Variants in PALM2AKAP2 observed in about 807,000 individuals in gnomAD.
PALM2AKAP2 encodes the protein PALM2-AKAP2 fusion protein.
A neutral mutation model predicts 71.5 loss-of-function variants in PALM2AKAP2; 37 were observed. That is an observed-to-expected ratio of 0.52 (90% CI 0.40 to 0.68). PALM2AKAP2 has a LOEUF of 0.68. Among genes scored for constraint, PALM2AKAP2 ranks in the 30% least tolerant of loss-of-function variants. The pLI is 0.00. For missense variants in PALM2AKAP2, 1,224 were observed against 1,191.8 expected (o/e 1.03, Z -0.40); for synonymous variants, 468 against 478.8 (o/e 0.98, Z 0.29).
At chr9:109,860,302 TAGAA>T (rs952773669) in intron 1 of PALM2AKAP2, among the ~76,000 whole-genome samples, 17 of 152,336 alleles carry the variant, frequency 1.1e-4, no homozygotes, top group African/African-American at 3.8e-4. Context: ...GCAGTAGTGT[TAGAA>T]AGGTAATTAT....
At chr9:109,682,817 C>A (rs748157781) in intron 1 of PALM2AKAP2, among the ~76,000 whole-genome samples, 1 of 152,176 alleles carries the variant, frequency 6.6e-6, no homozygotes, top group Non-Finnish European at 1.5e-5. Flanking sequence ...GAATATCCTT[C>A]TTGCAGTGGG....
At chr9:110,082,703 T>G (rs528241849) in intron 1 of PALM2AKAP2, among the ~76,000 whole-genome samples, 1 of 152,358 alleles carries the variant, frequency 6.6e-6, no homozygotes, top group South Asian at 2.1e-4. Context: ...GTAAAATGTA[T>G]GCAACATAAA....
intron 1 of PALM2AKAP2, among the ~76,000 whole-genome samples, chr9:109,808,724 C>T (rs950368438): frequency 4.6e-5 from 7 of 152,224 alleles, no homozygotes; most frequent in Non-Finnish European, 8.8e-5. Flanking sequence ...AATATCTCCA[C>T]GGCATGTCAG....
chr9:109,682,033 T>C (rs1185979335), intron 1 of PALM2AKAP2, among the ~76,000 whole-genome samples: 1 of 152,192 alleles, frequency 6.6e-6, no homozygotes, highest in Non-Finnish European at 1.5e-5. Flanking sequence ...ATCATAGTAG[T>C]GGTTCCTGGT....
chr9:109,761,447 T>C (rs955001797), intron 1 of PALM2AKAP2, among the ~76,000 whole-genome samples: 1 of 152,202 alleles, frequency 6.6e-6, no homozygotes, highest in African/African-American at 2.4e-5. Flanking sequence ...CATGGTGGTT[T>C]GCTGCACCAA....
At chr9:109,960,599 A>G (rs1831836812) in intron 6 of PALM2AKAP2, among the ~76,000 whole-genome samples, 1 of 152,228 alleles carries the variant, frequency 6.6e-6, no homozygotes, top group African/African-American at 2.4e-5. Context: ...ACAACATAGC[A>G]GGACCCTATT....
At chr9:109,941,762 G>A (rs1831376054) in intron 6 of PALM2AKAP2, among the ~76,000 whole-genome samples, 1 of 152,160 alleles carries the variant, frequency 6.6e-6, no homozygotes, top group African/African-American at 2.4e-5. Context: ...CCCCAGACTG[G>A]CAGCAAGAGT....
intron 7 of PALM2AKAP2, among the ~76,000 whole-genome samples, chr9:110,035,684 CAT>C (rs1174205233): frequency 4.1e-5 from 4 of 98,442 alleles, no homozygotes; most frequent in East Asian, 6.3e-4. Flanking sequence ...TTATATATAA[CAT>C]ATATAGGATA....
chr9:109,891,985 A>G (rs937278784), intron 3 of PALM2AKAP2, among the ~76,000 whole-genome samples: 3 of 152,190 alleles, frequency 2.0e-5, no homozygotes, highest in Non-Finnish European at 4.4e-5. Context: ...TTACATTTAC[A>G]TTCTGTTCAT....
intron 7 of PALM2AKAP2, among the ~76,000 whole-genome samples, chr9:110,016,739 CAT>C (rs1832986398): frequency 6.6e-6 from 1 of 152,148 alleles, no homozygotes; most frequent in South Asian, 2.1e-4. Flanking sequence ...ACTCTGCTAA[CAT>C]ATTAGTTAAC....
intron 1 of PALM2AKAP2, among the ~76,000 whole-genome samples, chr9:109,732,775 T>C (rs1273394603): frequency 6.6e-6 from 1 of 151,934 alleles, no homozygotes; most frequent in Non-Finnish European, 1.5e-5. Context: ...ATGGAAAGGG[T>C]AGCAGGGAGA....
intron 7 of PALM2AKAP2, among the ~76,000 whole-genome samples, chr9:110,040,823 T>G (rs1032081106): frequency 6.6e-6 from 1 of 152,240 alleles, no homozygotes. Flanking sequence ...CTTCTGGGAC[T>G]CCACACTATT....
chr9:109,708,812 T>A (rs1214398912), intron 1 of PALM2AKAP2, among the ~76,000 whole-genome samples: 1 of 152,224 alleles, frequency 6.6e-6, no homozygotes, highest in Non-Finnish European at 1.5e-5. Context: ...CTGGAAATCC[T>A]CCAGGGATAG....
chr9:109,806,798 G>A (rs575140744), intron 1 of PALM2AKAP2, among the ~76,000 whole-genome samples: 25 of 152,342 alleles, frequency 1.6e-4, no homozygotes, highest in African/African-American at 6.0e-4. Context: ...GACCAAAGAG[G>A]TGGTGGCTGG....
chr9:109,900,795 A>G (rs1830310619), intron 3 of PALM2AKAP2, among the ~76,000 whole-genome samples: 1 of 152,202 alleles, frequency 6.6e-6, no homozygotes, highest in South Asian at 2.1e-4. Context: ...TTGACATTAG[A>G]AGATCTCCTT....
rs937741151 is a variant in PALM2AKAP2 at position 110,153,885 on chromosome 9, G to C, written c.2570-2434G>C. 7.9e-4 allele frequency among the ~76,000 whole-genome samples: 120 copies of C among 152,338 alleles called. 1 individual carries two copies. Among genetic ancestry groups the C allele is most frequent in the African/African-American group, 2.8e-3 (115 of 41,570 alleles). On this transcript the variant is annotated intron_variant, in intron 2 of 3. Coordinates refer to ENST00000374525, the Ensembl canonical transcript of PALM2AKAP2. ...CAGAAATATAAACAGGAGTTCCACTGTGCTGTGTGTGAAAGGGAGAAGCTA... is the reference window on the plus strand; with the variant it reads ...CAGAAATATAAACAGGAGTTCCACTCTGCTGTGTGTGAAAGGGAGAAGCTA...
At chr9:109,800,477 A>AC (rs1458459231) in intron 1 of PALM2AKAP2, among the ~76,000 whole-genome samples, 32 of 152,180 alleles carry the variant, frequency 2.1e-4, no homozygotes, top group African/African-American at 7.5e-4. Context: ...CTGGCTCCAA[A>AC]CCCATGCAAA....
intron 1 of PALM2AKAP2, among the ~76,000 whole-genome samples, chr9:109,716,284 G>A (rs1013365811): frequency 1.3e-5 from 2 of 151,942 alleles, no homozygotes; most frequent in Non-Finnish European, 2.9e-5. Context: ...CATGATGAAG[G>A]CGTAACTGTG....
At chr9:110,114,162 C>T (rs1213045530) in intron 1 of PALM2AKAP2, among the ~76,000 whole-genome samples, 2 of 152,204 alleles carry the variant, frequency 1.3e-5, no homozygotes, top group African/African-American at 4.8e-5. Flanking sequence ...AGGGTTGGTT[C>T]CTTCTGGAGG....
Sources: gnomAD v4.1 joint callset for allele counts (sites outside exome capture counted in the v4.1 genomes callset) on GRCh38, gnomAD v4.1.1 for gene constraint, MANE v1.5 for transcripts, NCBI Gene and HGNC (gene_info 2026-07-23, HGNC 2026-07-21) for gene names.